The following ANKRD33B variants were observed in gnomAD, a reference collection of about 807,000 sequenced individuals.
The protein encoded by ANKRD33B is ankyrin repeat domain 33B, also known as ankyrin repeat domain-containing protein 33B.
A neutral mutation model predicts 21.5 loss-of-function variants in ANKRD33B; 6 were observed. The observed-to-expected ratio is 0.28, with a 90% CI of 0.15 to 0.55. The LOEUF (loss-of-function observed/expected upper bound fraction) is 0.55. Ranked by LOEUF, ANKRD33B falls within the 20% of genes least tolerant of loss-of-function variation. The pLI is 0.94. For missense variants in ANKRD33B, 698 were observed against 747.2 expected (o/e 0.93, Z 0.77); for synonymous variants, 347 against 342.4 (o/e 1.01, Z -0.15).
chr5:10,566,193 T>C (rs2126540513), intron 1 of ANKRD33B, among the ~76,000 whole-genome samples: 1 of 152,314 alleles, frequency 6.6e-6, no homozygotes. Context: ...TGTTAGGCAG[T>C]GAGACCTGAG....
intron 1 of ANKRD33B, among the ~76,000 whole-genome samples, chr5:10,584,404 G>T (rs1251864586): frequency 6.6e-6 from 1 of 152,094 alleles, no homozygotes; most frequent in African/African-American, 2.4e-5. Flanking sequence ...AAATTAGCCA[G>T]ATGTGGGGGT....
rs1254653946 is a variant in ANKRD33B at position 10,576,374 on chromosome 5, G to T, written c.366+11541G>T. ...CATCGCCTGGGAGCTTCTACCAAAT[G>T]CAGGATCTCAGGCCCCTGAGAATCT... On this transcript the variant is annotated intron_variant, in intron 1 of 3. Transcript: ENST00000296657. This position sits in a 1 kb window ranked among gnomAD's most constrained non-coding sequence, Gnocchi z 4.1. Among the ~76,000 whole-genome samples the T allele has an allele frequency of 1.8e-4, 27 of 152,158 alleles. No homozygotes were observed. The highest frequency in any genetic ancestry group is 1.8e-3 in the Admixed American group (27 of 15,278).
intron 1 of ANKRD33B, among the ~76,000 whole-genome samples, chr5:10,584,073 G>C (rs1337354529): frequency 6.6e-6 from 1 of 152,202 alleles, no homozygotes; most frequent in African/African-American, 2.4e-5. Flanking sequence ...CACCTGCCCG[G>C]TGAAAATGTA....
chr5:10,600,957 TA>T lies in ANKRD33B; in HGVS notation c.367-17367del, dbSNP rs11400350. On this transcript the variant is annotated intron_variant, in intron 1 of 3. Transcript: ENST00000296657. Reference sequence around the variant, plus strand: ...AGGTTATAATTTAAATTTTGTACATTAAAAAAAAATCAAGTTAGAAGACATT... The same window carrying T: ...AGGTTATAATTTAAATTTTGTACATTAAAAAAAATCAAGTTAGAAGACATT... 6.6e-3 allele frequency among the ~76,000 whole-genome samples: 994 copies of T among 151,060 alleles called. 9 individuals carry two copies. Among genetic ancestry groups the T allele is most frequent in the African/African-American group, 0.023 (934 of 41,124 alleles).
chr5:10,631,335 T>A (rs1358033544), intron 2 of ANKRD33B, among the ~76,000 whole-genome samples: 1 of 152,064 alleles, frequency 6.6e-6, no homozygotes, highest in African/African-American at 2.4e-5. Context: ...ACAGGAGGGA[T>A]CTGATAAATA....
chr5:10,578,606 T>C (rs929826319), intron 1 of ANKRD33B, among the ~76,000 whole-genome samples: 7 of 152,072 alleles, frequency 4.6e-5, no homozygotes, highest in African/African-American at 1.2e-4. Context: ...TGGGGCTGGA[T>C]TGGAGTTGGG....
intron 3 of ANKRD33B, among the ~76,000 whole-genome samples, chr5:10,639,059 G>A (rs1413481332): frequency 1.3e-5 from 1 of 78,810 alleles, no homozygotes; most frequent in Non-Finnish European, 2.8e-5. Flanking sequence ...GGAGTTGCGC[G>A]GCGATGTTAG....
intron 1 of ANKRD33B, among the ~76,000 whole-genome samples, chr5:10,595,825 T>C (rs1395551553): frequency 1.3e-5 from 2 of 152,198 alleles, no homozygotes; most frequent in African/African-American, 4.8e-5. Context: ...ATTACGACTC[T>C]GGAAATCTCT....
chr5:10,605,203 C>G lies in ANKRD33B; in HGVS notation c.367-13130C>G, dbSNP rs1368316207. ...CTCAGGAGCCTGCAATCCAGGAGAC[C>G]AGGGTGAAAGCTGCAAGATCTTTTA... On this transcript the variant is annotated intron_variant, in intron 1 of 3. Transcript: ENST00000296657. Among the ~76,000 whole-genome samples, 4 of 152,188 alleles carry G rather than the reference C, an allele frequency of 2.6e-5. No individual in the cohort carries two copies. In the East Asian group the frequency reaches 7.7e-4, roughly 29 times the overall value.
At chr5:10,583,023 A>C (rs1351891824) in intron 1 of ANKRD33B, among the ~76,000 whole-genome samples, 1 of 146,124 alleles carries the variant, frequency 6.8e-6, no homozygotes, top group Admixed American at 6.9e-5. Flanking sequence ...TTGAGATGGA[A>C]TCTTGCTCTG....
At position 10,657,071 on chromosome 5, in the gene ANKRD33B, C is replaced by T. The variant is rs1189465484; in HGVS notation, c.*6958C>T. The T allele has an allele frequency of 1.3e-5, 2 of 152,342 alleles. No individual in the cohort carries two copies. Among genetic ancestry groups the T allele is most frequent in the Non-Finnish European group, 1.5e-5 (1 of 68,032 alleles). The allele number at this position is 152,342 out of a possible 1,614,324, so 9.4% of individuals were successfully genotyped here. A position where few individuals can be genotyped will look rare whatever the true frequency, so the allele number is the denominator to read the frequency against. On this transcript the variant is annotated 3_prime_UTR_variant, in exon 4 of 4. Transcript: ENST00000296657. ...GTTTGAGGAGGTAGGTATGGAGGCA[C>T]CTTAACACCAGTTTTTGAGCAGAAG...
At chr5:10,573,480 A>C (rs7719288) in intron 1 of ANKRD33B, among the ~76,000 whole-genome samples, 24,323 of 151,336 alleles carry the variant, frequency 0.16, 2,130 homozygotes, top group Non-Finnish European at 0.19. Flanking sequence ...AAAAAAAAAA[A>C]AAAAAACCTC....
intron 3 of ANKRD33B, among the ~76,000 whole-genome samples, chr5:10,645,525 C>T (rs1231519599): frequency 6.6e-6 from 1 of 152,190 alleles, no homozygotes; most frequent in East Asian, 1.9e-4. Flanking sequence ...TAGACAGTGG[C>T]TTAAAGAAAA....
intron 1 of ANKRD33B, among the ~76,000 whole-genome samples, chr5:10,608,663 A>T (rs1227617044): frequency 3.6e-5 from 2 of 56,120 alleles, no homozygotes; most frequent in Non-Finnish European, 6.8e-5. Context: ...CCTCACTATG[A>T]AAAAAAAAAA....
At chr5:10,597,796 C>T (rs1351925905) in intron 1 of ANKRD33B, among the ~76,000 whole-genome samples, 3 of 152,232 alleles carry the variant, frequency 2.0e-5, no homozygotes, top group Non-Finnish European at 4.4e-5. Context: ...GTAAAACACT[C>T]CTCAGCAAAT....
At chr5:10,648,900 G>T (rs1310323141) in intron 3 of ANKRD33B, among the ~76,000 whole-genome samples, 4 of 152,252 alleles carry the variant, frequency 2.6e-5, no homozygotes, top group African/African-American at 4.8e-5. Flanking sequence ...GAAGGCGGAG[G>T]TGGGAGGATT....
rs574215643 is a variant in ANKRD33B at position 10,585,083 on chromosome 5, G to A, written c.366+20250G>A. On this transcript the variant is annotated intron_variant, in intron 1 of 3. Transcript: ENST00000296657. ...GGAGATGAGGTCAGAAGTGACCAGT[G>A]CTTTACTCACAAAGGGAAGGACAGA... Among the ~76,000 whole-genome samples, 47 of 152,322 alleles carry A rather than the reference G, an allele frequency of 3.1e-4. 1 individual carries two copies. The highest frequency in any genetic ancestry group is 1.0e-3 in the African/African-American group (43 of 41,578).
chr5:10,607,055 C>G (rs561879621), intron 1 of ANKRD33B, among the ~76,000 whole-genome samples: 6 of 151,916 alleles, frequency 3.9e-5, no homozygotes, highest in Non-Finnish European at 5.9e-5. Flanking sequence ...ATTTTGTGCC[C>G]AATCAAGTAT....
intron 3 of ANKRD33B, among the ~76,000 whole-genome samples, chr5:10,640,094 G>A (rs1290673627): frequency 1.9e-5 from 2 of 107,920 alleles, no homozygotes; most frequent in South Asian, 6.8e-4. Flanking sequence ...TAATGTTAGC[G>A]GGTGACGTGG....
Sources: allele counts gnomAD v4.1 joint callset (sites outside exome capture counted in the v4.1 genomes callset), GRCh38; gene constraint gnomAD v4.1.1; non-coding constraint Gnocchi (gnomAD v3.1); transcripts MANE v1.5; gene names NCBI Gene and HGNC (gene_info 2026-07-23, HGNC 2026-07-21).